Variants in CSPP1 observed in about 807,000 individuals in gnomAD.
CSPP1 encodes the protein centrosome and spindle pole associated protein 1, also known as centrosome and spindle pole-associated protein 1.
A neutral mutation model predicts 164.4 loss-of-function variants in CSPP1; 126 were observed. The ratio of observed to expected loss-of-function variants is 0.77; its 90% CI spans 0.66 to 0.89. CSPP1 has a LOEUF of 0.89. Ranked by LOEUF, CSPP1 falls within the 40% of genes least tolerant of loss-of-function variation. The pLI, the probability that CSPP1 is intolerant of heterozygous loss-of-function variation, is 0.00. For missense variants in CSPP1, 1,395 were observed against 1,449.8 expected (o/e 0.96, Z 0.61); for synonymous variants, 472 against 476.7 (o/e 0.99, Z 0.13).
chr8:67,145,294 G>A (rs916243315), intron 17 of CSPP1, among the ~76,000 whole-genome samples: 4 of 151,978 alleles, frequency 2.6e-5, no homozygotes, highest in Non-Finnish European at 5.9e-5. Flanking sequence ...TAGGATCTGT[G>A]GTGATGGCTT....
intron 17 of CSPP1, among the ~76,000 whole-genome samples, chr8:67,143,695 A>G (rs1303418087): frequency 1.3e-5 from 2 of 152,172 alleles, no homozygotes; most frequent in African/African-American, 4.8e-5. Context: ...CTATTTTAAA[A>G]TGTTACATTA....
intron 3 of CSPP1, among the ~76,000 whole-genome samples, chr8:67,077,412 T>C (rs1808182244): frequency 6.6e-6 from 1 of 152,122 alleles, no homozygotes; most frequent in Non-Finnish European, 1.5e-5. Flanking sequence ...CTCGGCTCAC[T>C]GCCGCCTCCA....
intron 24 of CSPP1, among the ~76,000 whole-genome samples, chr8:67,165,216 G>T (rs566093112): frequency 6.6e-6 from 1 of 151,118 alleles, no homozygotes; most frequent in African/African-American, 2.4e-5. Flanking sequence ...CCCAGGAGGC[G>T]GAGGTTGCAG....
chr8:67,189,838 A>G (rs1835721854), intron 28 of CSPP1, among the ~76,000 whole-genome samples: 1 of 152,182 alleles, frequency 6.6e-6, no homozygotes, highest in South Asian at 2.1e-4. Flanking sequence ...ACTTTTCTTT[A>G]GGTATAATTT....
At position 67,175,367 on chromosome 8, in the gene CSPP1, C is replaced by A. The variant is rs374717800; in HGVS notation, c.3040C>A (p.Gln1014Lys). The change falls in exon 26 of 31, where the codon CAG becomes AAG. Residue 1014 changes from glutamine to lysine, a missense_variant. Transcript: ENST00000678616. ...AAGAGATCATCACACCTTAGAGATT[C>A]AGCAGCAAGCCCTGCTAAGAGAGCA... ...PPRDHHTLEI[Q>K]QQALLREQQK... is the part of the protein sequence containing the mutation. The A allele has an allele frequency of 1.5e-5, 25 of 1,613,964 alleles. No homozygotes were observed. In the African/African-American group the frequency reaches 3.2e-4, roughly 21 times the overall value.
At chr8:67,104,093 T>C (rs2129547332) in intron 8 of CSPP1, among the ~76,000 whole-genome samples, 1 of 152,264 alleles carries the variant, frequency 6.6e-6, no homozygotes, top group Non-Finnish European at 1.5e-5. Flanking sequence ...ATTTTGAATC[T>C]ATAGTATACA....
rs190834978 is a variant in CSPP1 at position 67,110,252 on chromosome 8, C to G, written c.1094-1720C>G. On this transcript the variant is annotated intron_variant, in intron 9 of 30. Coordinates refer to ENST00000678616, the MANE Select transcript of CSPP1 (RefSeq NM_001382391.1). Reference sequence around the variant, plus strand: ...GCTGCTTCTGCAGTCTGAATTTTTTCCCAAATGATTTTTCCTTTCCTTCTC... The same window carrying G: ...GCTGCTTCTGCAGTCTGAATTTTTTGCCAAATGATTTTTCCTTTCCTTCTC... Among the ~76,000 whole-genome samples the G allele has an allele frequency of 1.9e-3, 284 of 151,392 alleles. 4 individuals are homozygous for G. Among genetic ancestry groups the G allele is most frequent in the African/African-American group, 6.6e-3 (273 of 41,292 alleles).
At chr8:67,169,004 G>C (rs1314859988) in intron 24 of CSPP1, among the ~76,000 whole-genome samples, 1 of 152,144 alleles carries the variant, frequency 6.6e-6, no homozygotes, top group Non-Finnish European at 1.5e-5. Context: ...TGGCCCCAGT[G>C]AATGCTCCCC....
chr8:67,123,129 T>G (rs1431071996), intron 15 of CSPP1: 1 of 152,300 alleles, frequency 6.6e-6, no homozygotes, highest in Non-Finnish European at 1.5e-5. Flanking sequence ...ACTCCTGGCC[T>G]CAAGCGATCC....
At chr8:67,175,166 GAT>G in intron 25 of CSPP1, 128 bp from the exon 26 acceptor site, 5 of 694,454 alleles carry the variant, frequency 7.2e-6, no homozygotes, top group Non-Finnish European at 1.3e-5. Context: ...TGACTTTAGT[GAT>G]GTTTCACTAT....
chr8:67,193,739 G>GT (rs1837079341), intron 30 of CSPP1, 137 bp downstream of exon 30: 6 of 638,062 alleles, frequency 9.4e-6, no homozygotes, highest in African/African-American at 1.9e-5. Flanking sequence ...CCAAGACATA[G>GT]TAACTATTGA....
chr8:67,174,716 G>A (rs1253489338), intron 25 of CSPP1: 1 of 151,842 alleles, frequency 6.6e-6, no homozygotes, highest in Admixed American at 6.6e-5. Context: ...AGTGAGCCAA[G>A]ACCGTGCCAC....
At chr8:67,193,715 T>C in intron 30 of CSPP1, 113 bp downstream of exon 30, 2 of 880,468 alleles carry the variant, frequency 2.3e-6, no homozygotes, top group East Asian at 2.6e-5. Context: ...TTGAAGACCT[T>C]TGAGTTGTAT....
chr8:67,184,744 T>TATA (rs377423199), intron 28 of CSPP1, among the ~76,000 whole-genome samples: 2,284 of 142,492 alleles, frequency 0.016, 32 homozygotes, highest in African/African-American at 0.035. Flanking sequence ...AATAAAAAAA[T>TATA]ATAATAATAA....
At chr8:67,184,684 A>C (rs181515255) in intron 28 of CSPP1, among the ~76,000 whole-genome samples, 153 of 151,926 alleles carry the variant, frequency 1.0e-3, no homozygotes, top group African/African-American at 3.6e-3. Context: ...AAATCGTGCC[A>C]CTGCACTCCA....
chr8:67,067,535 C>T (rs1193058101), intron 1 of CSPP1, among the ~76,000 whole-genome samples: 1 of 152,126 alleles, frequency 6.6e-6, no homozygotes, highest in Non-Finnish European at 1.5e-5. Flanking sequence ...ACGATCTCAG[C>T]TCACTGCAAG....
At chr8:67,168,232 G>C (rs1291013064) in intron 24 of CSPP1, among the ~76,000 whole-genome samples, 1 of 151,564 alleles carries the variant, frequency 6.6e-6, no homozygotes, top group Non-Finnish European at 1.5e-5. Context: ...GTTGCAGTGA[G>C]CCGAGATGGC....
intron 9 of CSPP1, among the ~76,000 whole-genome samples, chr8:67,110,861 G>T (rs1816706305): frequency 1.3e-5 from 2 of 151,982 alleles, no homozygotes; most frequent in Admixed American, 1.3e-4. Context: ...TTCTGTTGTT[G>T]TTGTTGTTGT....
intron 29 of CSPP1, among the ~76,000 whole-genome samples, chr8:67,193,182 TCTCAGCTCACTG>T (rs913220662): frequency 1.4e-4 from 22 of 152,292 alleles, no homozygotes; most frequent in Middle Eastern, 6.8e-3. Flanking sequence ...AGTGGCACAA[TCTCAGCTCACTG>T]CAGCCTCCAC....
Sources: allele counts gnomAD v4.1 joint callset (sites outside exome capture counted in the v4.1 genomes callset), GRCh38; gene constraint gnomAD v4.1.1; transcripts MANE v1.5; gene names NCBI Gene and HGNC (gene_info 2026-07-23, HGNC 2026-07-21).